MAP3K13: variants seen among roughly 807,000 people sequenced by gnomAD.
MAP3K13 encodes the protein mitogen-activated protein kinase kinase kinase 13, also known as leucine zipper-bearing kinase.
In MAP3K13, 52 loss-of-function variants were observed where a neutral mutation model predicts 104.0. The observed-to-expected ratio is 0.50, with a 90% confidence interval of 0.40 to 0.63. The LOEUF is 0.63. Among genes scored for constraint, MAP3K13 ranks in the 20% least tolerant of loss-of-function variants. MAP3K13 has a pLI of 0.00. For synonymous variants in MAP3K13, 394 were observed against 442.2 expected (o/e 0.89, Z 1.37); for missense variants, 914 against 1,218.5 (o/e 0.75, Z 3.72).
At chr3:185,302,776 G>A (rs1721153860) in intron 2 of MAP3K13, among the ~76,000 whole-genome samples, 1 of 152,132 alleles carries the variant, frequency 6.6e-6, no homozygotes, top group Admixed American at 6.5e-5. Context: ...CAAGCCATCT[G>A]TGAACAGAGA....
chr3:185,296,365 A>G (rs567554723), intron 2 of MAP3K13, among the ~76,000 whole-genome samples: 1 of 152,170 alleles, frequency 6.6e-6, no homozygotes, highest in East Asian at 1.9e-4. Flanking sequence ...CCTCTCTACC[A>G]TCTATTGGAC....
intron 1 of MAP3K13, among the ~76,000 whole-genome samples, chr3:185,370,359 T>C (rs1724091463): frequency 6.6e-6 from 1 of 152,106 alleles, no homozygotes; most frequent in Non-Finnish European, 1.5e-5. Flanking sequence ...CATGCCCAGT[T>C]AATTTTTGTA....
intron 2 of MAP3K13, 131 bp from the exon 3 acceptor site, chr3:185,437,315 GT>G: frequency 1.5e-6 from 1 of 677,034 alleles, no homozygotes; most frequent in Non-Finnish European, 2.5e-6. Flanking sequence ...ACATAGGAAG[GT>G]TCTATCTTTT....
intron 1 of MAP3K13, among the ~76,000 whole-genome samples, chr3:185,400,905 G>GTTTTTTTTTT (rs71164506): frequency 5.4e-3 from 575 of 107,080 alleles, no homozygotes; most frequent in East Asian, 7.1e-3. Context: ...GTGTTTGTTT[G>GTTTTTTTTTT]TTTTTTTTTT....
At position 185,455,659 on chromosome 3, in the gene MAP3K13, T is replaced by TATATATGAC. The variant is rs1560120219; in HGVS notation, c.1278+4270_1278+4271insGACATATAT. 6.4e-3 allele frequency among the ~76,000 whole-genome samples: 139 copies of TATATATGAC among 21,604 alleles called. 43 individuals are homozygous for TATATATGAC. Among genetic ancestry groups the TATATATGAC allele is most frequent in the East Asian group, 0.015 (15 of 1,028 alleles). The allele number at this position is 21,604 out of a possible 152,430, so 14.2% of individuals were successfully genotyped here. ...TGATATATATGAGATATATATATGA[T>TATATATGAC]ATATATATGATATATATATGAGATA... On this transcript the variant is annotated intron_variant, in intron 7 of 13. Coordinates refer to ENST00000265026, the MANE Select transcript of MAP3K13 (RefSeq NM_004721.5).
intron 12 of MAP3K13, among the ~76,000 whole-genome samples, chr3:185,478,216 A>AG (rs1718239920): frequency 6.6e-6 from 1 of 152,212 alleles, no homozygotes; most frequent in Non-Finnish European, 1.5e-5. Flanking sequence ...GGAGTCAATA[A>AG]GGGCCATCTC....
In MAP3K13 at chr3:185,473,885, A is replaced by T. The variant is rs1382362077; in HGVS notation, c.2430+124A>T. 2.8e-6 allele frequency: 3 copies of T among 1,068,884 alleles called. No homozygotes were observed. The highest frequency in any genetic ancestry group is 4.0e-6 in the Non-Finnish European group (3 of 754,344). The allele number at this position is 1,068,884 out of a possible 1,614,324, so 66.2% of individuals were successfully genotyped here. A position where few individuals can be genotyped will look rare whatever the true frequency, so the allele number is the denominator to read the frequency against. On this transcript the variant is annotated intron_variant, in intron 11 of 13. Coordinates refer to ENST00000265026, the MANE Select transcript of MAP3K13 (RefSeq NM_004721.5). The surrounding 1 kb of genome is among the most constrained non-coding windows in gnomAD (Gnocchi z 4.9). ...ATTTTGTAAAAGGACAAGATAACAGAAACATAAATAGAAATTTATTTTACT... is the reference window on the plus strand; with the variant it reads ...ATTTTGTAAAAGGACAAGATAACAGTAACATAAATAGAAATTTATTTTACT...
chr3:185,300,495 C>CT (rs1221160069), intron 2 of MAP3K13, among the ~76,000 whole-genome samples: 7 of 138,510 alleles, frequency 5.1e-5, no homozygotes, highest in South Asian at 4.6e-4. Context: ...TTTTTTTTTT[C>CT]TTTTTTTTCT....
chr3:185,296,862 A>G (rs1271204504), intron 2 of MAP3K13, among the ~76,000 whole-genome samples: 1 of 152,246 alleles, frequency 6.6e-6, no homozygotes, highest in African/African-American at 2.4e-5. Context: ...GTTCTAAAAA[A>G]TATTTTAAAA....
chr3:185,304,100 A>G (rs1322345822), intron 2 of MAP3K13, among the ~76,000 whole-genome samples: 2 of 152,008 alleles, frequency 1.3e-5, no homozygotes, highest in Non-Finnish European at 2.9e-5. Context: ...CATATTGTTT[A>G]TTTTACACAT....
At chr3:185,338,119 A>C (rs994304730) in intron 2 of MAP3K13, among the ~76,000 whole-genome samples, 1 of 152,148 alleles carries the variant, frequency 6.6e-6, no homozygotes, top group Non-Finnish European at 1.5e-5. Context: ...ACTTGAGCCC[A>C]GGAGTTCGAG....
chr3:185,336,473 C>T (rs577638853), intron 2 of MAP3K13, among the ~76,000 whole-genome samples: 3 of 147,696 alleles, frequency 2.0e-5, no homozygotes, highest in African/African-American at 7.5e-5. Flanking sequence ...ACATAGGAGG[C>T]GGAGGCTGCA....
At position 185,483,810 on chromosome 3, in the gene MAP3K13, T is replaced by C. The variant is rs1180336364; in HGVS notation, c.*1354T>C. ...TCACTGCAACCTCCATCTCCCAGGT[T>C]CAAGCGATTCTCCTGCCTCAGCCTC... On this transcript the variant is annotated 3_prime_UTR_variant, in exon 14 of 14. Coordinates refer to ENST00000265026, the MANE Select transcript of MAP3K13 (RefSeq NM_004721.5). 2 of 152,710 alleles carry C rather than the reference T, an allele frequency of 1.3e-5. No homozygotes were observed. The highest frequency in any genetic ancestry group is 2.6e-5 in the African/African-American group (1 of 39,128). 9.5% of individuals were successfully genotyped at this position (152,710 alleles called of 1,614,324 possible).
At chr3:185,400,552 A>G (rs1022468361) in intron 1 of MAP3K13, among the ~76,000 whole-genome samples, 2 of 152,204 alleles carry the variant, frequency 1.3e-5, no homozygotes, top group African/African-American at 4.8e-5. Flanking sequence ...CTAAGTGACC[A>G]CTTTCCTCAC....
intron 1 of MAP3K13, among the ~76,000 whole-genome samples, chr3:185,371,945 T>TGGGA (rs1724184270): frequency 6.6e-6 from 1 of 152,214 alleles, no homozygotes; most frequent in Non-Finnish European, 1.5e-5. Flanking sequence ...CATTAGGCTA[T>TGGGA]CTGCAGGCTT....
intron 1 of MAP3K13, among the ~76,000 whole-genome samples, chr3:185,283,457 C>A (rs934002850): frequency 6.6e-6 from 1 of 152,078 alleles, no homozygotes; most frequent in South Asian, 2.1e-4. Context: ...AGTAGGCATG[C>A]TTTAGATGTT....
At chr3:185,432,696 A>G (rs998377129) in intron 2 of MAP3K13, among the ~76,000 whole-genome samples, 2 of 152,154 alleles carry the variant, frequency 1.3e-5, no homozygotes, top group African/African-American at 4.8e-5. Flanking sequence ...CCCAGCCCAT[A>G]TGTTTGTCAA....
At chr3:185,307,200 T>C (rs1721316179) in intron 2 of MAP3K13, among the ~76,000 whole-genome samples, 1 of 152,160 alleles carries the variant, frequency 6.6e-6, no homozygotes, top group Non-Finnish European at 1.5e-5. Flanking sequence ...TTTCAGCTTG[T>C]TCAATTTAGA....
rs1718384671 is a variant in MAP3K13 at position 185,480,480 on chromosome 3, A to C, written c.2750A>C (p.Lys917Thr). ...SDKECAVRRVKTQMSLGKLCV... is the reference protein window; with the variant it reads ...SDKECAVRRVTTQMSLGKLCV... Reference sequence around the variant, plus strand: ...AAGGAGTGTGCCGTGCGCCGTGTGAAGACTCAGATGTCTCTGGGCAAGCTG... The same window carrying C: ...AAGGAGTGTGCCGTGCGCCGTGTGACGACTCAGATGTCTCTGGGCAAGCTG... Residue 917 changes from lysine (K) to threonine (T), a missense_variant, in exon 13 of 14, where the codon AAG (lysine) becomes ACG (threonine). Lys to Thr is a moderately conservative substitution (Grantham distance 78, BLOSUM62 -1). Around this residue, in one of 3 missense-constraint regions of MAP3K13, gnomAD observed 583 missense variants for 737.4 expected, o/e 0.79. Coordinates refer to ENST00000265026, the MANE Select transcript of MAP3K13 (RefSeq NM_004721.5). 1 of 1,614,194 alleles carries C rather than the reference A, an allele frequency of 6.2e-7. No homozygotes were observed. The highest frequency in any genetic ancestry group is 1.1e-5 in the South Asian group (1 of 91,086).
Sources: gnomAD v4.1 joint callset for allele counts (sites outside exome capture counted in the v4.1 genomes callset) on GRCh38, gnomAD v4.1.1 for gene constraint, gnomAD v4.1.1 regional missense constraint, Gnocchi (gnomAD v3.1) non-coding constraint, MANE v1.5 for transcripts, NCBI Gene and HGNC (gene_info 2026-07-23, HGNC 2026-07-21) for gene names.